Variants in COL18A1 observed in about 807,000 individuals in gnomAD.
COL18A1 encodes the protein collagen alpha-1(XVIII) chain.
In COL18A1, 133 loss-of-function variants were observed where a neutral mutation model predicts 168.0. The ratio of observed to expected loss-of-function variants is 0.79; its 90% confidence interval spans 0.69 to 0.91. The LOEUF (loss-of-function observed/expected upper bound fraction) is 0.91. Among genes scored for constraint, COL18A1 ranks in the 40% least tolerant of loss-of-function variants. COL18A1 has a pLI of 0.00. For missense variants in COL18A1, 2,126 were observed against 1,925.4 expected (o/e 1.10, Z -1.95); for synonymous variants, 949 against 809.0 (o/e 1.17, Z -2.94).
chr21:45,503,755 A>G (rs563224651), intron 32 of COL18A1, among the ~76,000 whole-genome samples: 340 of 152,226 alleles, frequency 2.2e-3, no homozygotes, highest in South Asian at 0.01. Context: ...CCTGCACATC[A>G]TGCACATGTA....
chr21:45,437,936 A>ACT (rs1232855191), intron 2 of COL18A1, among the ~76,000 whole-genome samples: 2 of 70,572 alleles, frequency 2.8e-5, no homozygotes, highest in Non-Finnish European at 4.9e-5. Flanking sequence ...ACACACACAC[A>ACT]CACACTCAGA....
chr21:45,476,517 G>T, intron 6 of COL18A1, 37 bp downstream of exon 6: 3 of 1,565,714 alleles, frequency 1.9e-6, no homozygotes, highest in Non-Finnish European at 2.6e-6. Context: ...TGTGTGGTGT[G>T]GGGTGTGTGT....
At chr21:45,477,296 C>T in intron 6 of COL18A1, 115 bp from the exon 7 acceptor site, 2 of 783,754 alleles carry the variant, frequency 2.6e-6, no homozygotes, top group South Asian at 3.0e-5. Context: ...TGACAGTGTC[C>T]AGCCGGGCTC....
chr21:45,510,003 C>T lies in COL18A1; in HGVS notation c.3496-61C>T, dbSNP rs536293548. Reference sequence around the variant, plus strand: ...AGGTGCGGGGCCGGGGTGGTGCGCCCGGGGCCTGGGTGCAGGGGGCAGCGT... The same window carrying T: ...AGGTGCGGGGCCGGGGTGGTGCGCCTGGGGCCTGGGTGCAGGGGGCAGCGT... On this transcript the variant is annotated intron_variant, in intron 39 of 41. Coordinates refer to ENST00000651438, the MANE Select transcript of COL18A1 (RefSeq NM_001379500.1). 395 of 1,520,498 alleles carry T rather than the reference C, an allele frequency of 2.6e-4. No individual in the cohort carries two copies. The African/African-American group carries it at 4.9e-3, about 19-fold the overall frequency. 94.2% of individuals were successfully genotyped at this position (1,520,498 alleles called of 1,614,324 possible). A position where few individuals can be genotyped will look rare whatever the true frequency, so the allele number is the denominator to read the frequency against.
intron 32 of COL18A1, among the ~76,000 whole-genome samples, chr21:45,497,972 A>G (rs1460120686): frequency 6.6e-6 from 1 of 152,164 alleles, no homozygotes; most frequent in East Asian, 1.9e-4. Flanking sequence ...CAGTGTCCTG[A>G]GATGCCCCCT....
intron 19 of COL18A1, 106 bp downstream of exon 19, chr21:45,489,627 C>T (rs2036229491): frequency 2.8e-6 from 2 of 716,352 alleles, no homozygotes; most frequent in East Asian, 5.8e-5. Flanking sequence ...GCTCTTCCTG[C>T]CACTGCTTTG....
chr21:45,482,023 C>G lies in COL18A1; in HGVS notation c.1672C>G (p.Leu558Val), dbSNP rs1476485887. 6.2e-7 allele frequency: 1 copy of G among 1,612,918 alleles called. No individual in the cohort carries two copies. Among genetic ancestry groups the G allele is most frequent in the Non-Finnish European group, 8.5e-7 (1 of 1,179,084 alleles). ...PPGRTGQKGSLGEAGAPGHKG... is the reference protein window; with the variant it reads ...PPGRTGQKGSVGEAGAPGHKG... Reference sequence around the variant, plus strand: ...AGGAAGGACTGGGCAGAAAGGCAGCCTGGTAAGTCTTCCCTCGAGTCCAGG... The same window carrying G: ...AGGAAGGACTGGGCAGAAAGGCAGCGTGGTAAGTCTTCCCTCGAGTCCAGG... Residue 558 changes from leucine (L) to valine (V), a missense_variant and splice_region_variant, in exon 14 of 42, where the codon CTG (leucine) becomes GTG (valine). Physicochemically the swap from Leu to Val is conservative, Grantham distance 32. Coordinates refer to ENST00000651438, the MANE Select transcript of COL18A1 (RefSeq NM_001379500.1).
chr21:45,405,987 T>A (rs1602319065), intron 2 of COL18A1, among the ~76,000 whole-genome samples: 1 of 151,934 alleles, frequency 6.6e-6, no homozygotes, highest in East Asian at 2.0e-4. Context: ...GCGCCCGCCG[T>A]GGTGTCGGGT....
chr21:45,459,965 C>G (rs1241657318), intron 2 of COL18A1, among the ~76,000 whole-genome samples: 1 of 151,866 alleles, frequency 6.6e-6, no homozygotes, highest in Non-Finnish European at 1.5e-5. Flanking sequence ...CTCACAAACC[C>G]TGGCCCCTGG....
At chr21:45,469,269 G>A (rs550335961) in intron 3 of COL18A1, among the ~76,000 whole-genome samples, 10 of 152,366 alleles carry the variant, frequency 6.6e-5, no homozygotes, top group Admixed American at 2.6e-4. Flanking sequence ...CACACGCCTC[G>A]TGGCCCCATG....
At chr21:45,430,280 G>A (rs17004773) in intron 2 of COL18A1, among the ~76,000 whole-genome samples, 5,032 of 152,284 alleles carry the variant, frequency 0.033, 273 homozygotes, top group African/African-American at 0.11. Flanking sequence ...GCGCCCTCTC[G>A]CCTTCTCCTG....
At chr21:45,414,114 G>A (rs2033376494) in intron 2 of COL18A1, among the ~76,000 whole-genome samples, 1 of 152,202 alleles carries the variant, frequency 6.6e-6, no homozygotes, top group African/African-American at 2.4e-5. Context: ...TGCACCGCCT[G>A]GCCCCAGGCC....
chr21:45,494,216 G>T, intron 26 of COL18A1: 1 of 520,744 alleles, frequency 1.9e-6, no homozygotes, highest in South Asian at 2.1e-5. Flanking sequence ...GCTGGGGCCT[G>T]TGGCAACCAG....
chr21:45,501,698 CCACAGCCGGTCACCTCCCTCTGCAGA>C (rs1568935623), intron 32 of COL18A1, among the ~76,000 whole-genome samples: 10 of 133,698 alleles, frequency 7.5e-5, no homozygotes, highest in African/African-American at 2.5e-4. Context: ...CCCAGGGGCT[CCACAGCCGGTCACCTCCCTCTGCAGA>C]AGGACCCCCA....
rs548354155 is a variant in COL18A1, at chr21:45,512,456, G to A, written c.*58G>A. ...CGGCGGCTCGGAGGAAGCCCCCACC[G>A]TGGGCAGGGAGCGGCCGGCCAGCCC... On this transcript the variant is annotated 3_prime_UTR_variant, in exon 42 of 42. Transcript: ENST00000651438. 2.3e-5 allele frequency: 36 copies of A among 1,553,630 alleles called. No individual in the cohort carries two copies. The highest frequency in any genetic ancestry group is 1.2e-4 in the East Asian group (5 of 42,920).
chr21:45,478,196 G>A (rs1444414049), intron 8 of COL18A1, 131 bp from the exon 9 acceptor site: 1 of 1,201,156 alleles, frequency 8.3e-7, no homozygotes, highest in Non-Finnish European at 1.2e-6. Flanking sequence ...TGGCGCGGGT[G>A]CGAGGACATC....
intron 2 of COL18A1, chr21:45,421,347 C>T (rs1213606656): frequency 1.9e-6 from 1 of 515,040 alleles, no homozygotes; most frequent in East Asian, 5.6e-5. Context: ...ACTCCCAGAA[C>T]CACAGGCCTC....
At chr21:45,461,309 T>C (rs2035037369) in intron 2 of COL18A1, among the ~76,000 whole-genome samples, 1 of 152,078 alleles carries the variant, frequency 6.6e-6, no homozygotes, top group Admixed American at 6.5e-5. Context: ...CTGCAGGAAA[T>C]GGTCCAGTAG....
chr21:45,484,421 CAT>C (rs1475132656), intron 15 of COL18A1, among the ~76,000 whole-genome samples: 1 of 147,752 alleles, frequency 6.8e-6, no homozygotes, highest in Non-Finnish European at 1.5e-5. Flanking sequence ...ACCTCTCCAG[CAT>C]ATGTGAGCAC....
Sources: allele counts gnomAD v4.1 joint callset (sites outside exome capture counted in the v4.1 genomes callset), GRCh38; gene constraint gnomAD v4.1.1; transcripts MANE v1.5; gene names NCBI Gene and HGNC (gene_info 2026-07-23, HGNC 2026-07-21).